Variants in RBFOX1 observed in about 807,000 individuals in gnomAD.
RBFOX1 encodes the protein RNA binding protein fox-1 homolog 1.
In RBFOX1, 8 loss-of-function variants were observed where a neutral mutation model predicts 57.7. The observed-to-expected ratio is 0.14, with a 90% CI of 0.08 to 0.25. RBFOX1 has a LOEUF of 0.25. Among genes scored for constraint, RBFOX1 ranks in the 10% least tolerant of loss-of-function variants. The pLI, the probability that RBFOX1 is intolerant of heterozygous loss-of-function variation, is 1.00. For missense variants in RBFOX1, 611 were observed against 548.5 expected, an observed-to-expected ratio of 1.11 and a Z score of -1.14; for synonymous variants, 326 against 222.4, an observed-to-expected ratio of 1.47 and a Z score of -4.15.
At chr16:5,932,198 G>T (rs1263265034) in intron 4 of RBFOX1, among the ~76,000 whole-genome samples, 2 of 152,124 alleles carry the variant, frequency 1.3e-5, no homozygotes, top group African/African-American at 2.4e-5. Flanking sequence ...ATTTTCTGCT[G>T]TTGGTCAAAA....
intron 1 of RBFOX1, among the ~76,000 whole-genome samples, chr16:6,065,991 C>A (rs1483229347): frequency 6.6e-6 from 1 of 152,132 alleles, no homozygotes; most frequent in Non-Finnish European, 1.5e-5. Context: ...ATATTTCCGA[C>A]TTCAACACTT....
intron 2 of RBFOX1, among the ~76,000 whole-genome samples, chr16:5,499,372 G>C (rs534582332): frequency 5.3e-5 from 8 of 152,104 alleles, no homozygotes; most frequent in African/African-American, 7.2e-5. Flanking sequence ...TCCAGGTCTC[G>C]GATTCCTGTC....
chr16:5,868,751 G>A (rs1392018841), intron 4 of RBFOX1, among the ~76,000 whole-genome samples: 2 of 152,152 alleles, frequency 1.3e-5, no homozygotes, highest in Non-Finnish European at 2.9e-5. Flanking sequence ...CTTGTGACCA[G>A]TCACTCGAGT....
chr16:6,743,756 C>G (rs944045286), intron 3 of RBFOX1, among the ~76,000 whole-genome samples: 2 of 151,002 alleles, frequency 1.3e-5, no homozygotes, highest in Non-Finnish European at 2.9e-5. Flanking sequence ...CACCCTGTCT[C>G]AAAAGGAAAG....
rs566043244 is a variant in RBFOX1, at chr16:6,563,770, G to A, written c.-63-90833G>A. ...GGGCTTGGGAGGTGGAGGTTGCAGT[G>A]AGCTGAGACTGAGCCACTGCAATCC... On this transcript the variant is annotated intron_variant, in intron 2 of 15. Transcript: ENST00000550418. Among the ~76,000 whole-genome samples the A allele has an allele frequency of 2.6e-5, 4 of 152,172 alleles. No individual in the cohort carries two copies. In the South Asian group the frequency reaches 8.3e-4, roughly 32 times the overall value.
intron 1 of RBFOX1, among the ~76,000 whole-genome samples, chr16:5,339,065 T>G (rs1401880284): frequency 1.3e-5 from 2 of 152,134 alleles, no homozygotes; most frequent in Non-Finnish European, 2.9e-5. Flanking sequence ...CATATTATCT[T>G]ATTAACTACA....
At chr16:5,968,938 T>A (rs1317129037) in intron 4 of RBFOX1, among the ~76,000 whole-genome samples, 2 of 152,174 alleles carry the variant, frequency 1.3e-5, no homozygotes, top group African/African-American at 4.8e-5. Flanking sequence ...AATTCACCTT[T>A]GCTGAGAGGA....
chr16:5,954,643 C>G (rs1463398850), intron 4 of RBFOX1, among the ~76,000 whole-genome samples: 3 of 152,074 alleles, frequency 2.0e-5, no homozygotes, highest in African/African-American at 7.2e-5. Context: ...GTAATGAGGA[C>G]TCATAAGTTG....
At chr16:6,687,684 T>G (rs539307169) in intron 3 of RBFOX1, among the ~76,000 whole-genome samples, 13 of 152,256 alleles carry the variant, frequency 8.5e-5, no homozygotes, top group African/African-American at 2.6e-4. Flanking sequence ...TGTATTTATG[T>G]CCTGTATGGT....
At chr16:6,849,205 A>G (rs1297291463) in intron 3 of RBFOX1, among the ~76,000 whole-genome samples, 1 of 152,204 alleles carries the variant, frequency 6.6e-6, no homozygotes, top group Non-Finnish European at 1.5e-5. Flanking sequence ...TTATCCACCT[A>G]TCAGAGAGTG....
At chr16:5,614,579 G>C (rs912575129) in intron 3 of RBFOX1, among the ~76,000 whole-genome samples, 2 of 152,132 alleles carry the variant, frequency 1.3e-5, no homozygotes, top group African/African-American at 2.4e-5. Context: ...TTTCTTTTAA[G>C]GCTCTTCAGA....
At chr16:5,967,883 G>C (rs1236818377) in intron 4 of RBFOX1, among the ~76,000 whole-genome samples, 1 of 152,066 alleles carries the variant, frequency 6.6e-6, no homozygotes, top group African/African-American at 2.4e-5. Flanking sequence ...GTTTTGTTTT[G>C]TTTTGCTTTG....
chr16:7,174,856 C>A (rs897604882), intron 4 of RBFOX1, among the ~76,000 whole-genome samples: 2 of 152,138 alleles, frequency 1.3e-5, no homozygotes, highest in Non-Finnish European at 2.9e-5. Flanking sequence ...ATATCCCCAC[C>A]AGCAACATAC....
intron 3 of RBFOX1, among the ~76,000 whole-genome samples, chr16:6,920,641 A>C (rs968949883): frequency 6.6e-6 from 1 of 152,170 alleles, no homozygotes; most frequent in African/African-American, 2.4e-5. Context: ...GGAAGCTTTG[A>C]GGGAGAATAC....
At chr16:7,179,786 A>G (rs1274306692) in intron 4 of RBFOX1, among the ~76,000 whole-genome samples, 1 of 151,992 alleles carries the variant, frequency 6.6e-6, no homozygotes, top group Admixed American at 6.6e-5. Flanking sequence ...TCAGTCTGGA[A>G]TGCAGTGGCA....
At chr16:5,734,391 G>A (rs2052496655) in intron 3 of RBFOX1, among the ~76,000 whole-genome samples, 1 of 152,094 alleles carries the variant, frequency 6.6e-6, no homozygotes, top group South Asian at 2.1e-4. Flanking sequence ...TTGTGCCACT[G>A]TACTCCAGCC....
chr16:7,515,686 G>A (rs1326352360), intron 4 of RBFOX1, among the ~76,000 whole-genome samples: 2 of 152,178 alleles, frequency 1.3e-5, no homozygotes. Context: ...CAACAAACAG[G>A]GATGGTGCTG....
intron 4 of RBFOX1, among the ~76,000 whole-genome samples, chr16:7,168,943 C>G (rs1033213038): frequency 2.0e-5 from 3 of 152,168 alleles, no homozygotes; most frequent in African/African-American, 7.2e-5. Context: ...TTGTGATGTC[C>G]TTCCTTGGAT....
intron 1 of RBFOX1, among the ~76,000 whole-genome samples, chr16:6,266,843 GT>G (rs1475935649): frequency 1.3e-5 from 2 of 152,068 alleles, no homozygotes; most frequent in African/African-American, 2.4e-5. Flanking sequence ...CTCATAATTA[GT>G]TTTTTTGTCT....
Sources: gnomAD v4.1 joint callset for allele counts (sites outside exome capture counted in the v4.1 genomes callset) on GRCh38, gnomAD v4.1.1 for gene constraint, MANE v1.5 for transcripts, NCBI Gene and HGNC (gene_info 2026-07-23, HGNC 2026-07-21) for gene names.